CNPY3: variants seen among roughly 807,000 people sequenced by gnomAD.
CNPY3 encodes protein canopy homolog 3.
CNPY3 carries 20 observed loss-of-function variants against 32.0 expected under a neutral mutation model. The ratio of observed to expected loss-of-function variants is 0.63; its 90% CI spans 0.44 to 0.91. The LOEUF is 0.91. CNPY3 is among the 40% of genes least tolerant of loss of function. The pLI, the probability that CNPY3 is intolerant of heterozygous loss-of-function variation, is 0.00. For synonymous variants in CNPY3, 138 were observed against 142.9 expected, an observed-to-expected ratio of 0.97 and a Z score of 0.24; for missense variants, 299 against 340.8, an observed-to-expected ratio of 0.88 and a Z score of 0.97.
upstream of CNPY3, chr6:42,929,269 G>C (rs1767565822): frequency 2.9e-6 from 1 of 348,422 alleles, no homozygotes. Context: ...GGTGGGAAAG[G>C]ACTTTGCCAT....
chr6:42,932,915 T>TG (rs1403819915), intron 1 of CNPY3, among the ~76,000 whole-genome samples: 1 of 152,214 alleles, frequency 6.6e-6, no homozygotes, highest in African/African-American at 2.4e-5. Flanking sequence ...GCCTTCAGAC[T>TG]GGTATTCCAT....
chr6:42,931,517 G>C (rs1448237826), intron 1 of CNPY3, among the ~76,000 whole-genome samples: 1 of 151,416 alleles, frequency 6.6e-6, no homozygotes, highest in Non-Finnish European at 1.5e-5. Flanking sequence ...CTACAGGTGT[G>C]TGCCACCACT....
chr6:42,935,393 T>A, intron 2 of CNPY3, 181 bp from the exon 3 acceptor site: 1 of 985,172 alleles, frequency 1.0e-6, no homozygotes, highest in Non-Finnish European at 1.2e-6. Flanking sequence ...AAATTTTGTC[T>A]CTCTGGTCTG....
chr6:42,935,768 G>A, intron 3 of CNPY3, 98 bp downstream of exon 3: 1 of 1,319,866 alleles, frequency 7.6e-7, no homozygotes, highest in Non-Finnish European at 1.0e-6. Context: ...TGACCACCTG[G>A]GATCTTCCTT....
chr6:42,929,470 A>G (rs776318662), upstream of CNPY3: 84 of 1,251,810 alleles, frequency 6.7e-5, no homozygotes, highest in Non-Finnish European at 3.3e-5. Flanking sequence ...GGTTGCTCGG[A>G]GGCACGTGTG....
In CNPY3 at chr6:42,938,988, C is replaced by G. The variant is rs917901442; in HGVS notation, c.*197C>G. 1 of 1,361,954 alleles carries G rather than the reference C, an allele frequency of 7.3e-7. No homozygotes were observed. Among genetic ancestry groups the G allele is most frequent in the Admixed American group, 3.2e-5 (1 of 31,270 alleles). The allele number at this position is 1,361,954 out of a possible 1,614,324, so 84.4% of individuals were successfully genotyped here. On this transcript the variant is annotated 3_prime_UTR_variant, in exon 6 of 6. Transcript: ENST00000372836. The stretch of plus-strand genomic sequence containing the variant: ...GGTAGCCCACGCCGTCCTTTCCCCT[C>G]CCCAAGTGTTTCTCTCCTGACCCAG...
chr6:42,936,644 T>C (rs1027463093), intron 3 of CNPY3, among the ~76,000 whole-genome samples: 8 of 152,162 alleles, frequency 5.3e-5, no homozygotes, highest in African/African-American at 1.9e-4. Flanking sequence ...GAAGCTATTC[T>C]CCCACCTCAG....
At chr6:42,929,095 C>T (rs1767546934), upstream of CNPY3, 1 of 156,876 alleles carries the variant, frequency 6.4e-6, no homozygotes, top group Non-Finnish European at 1.4e-5. Flanking sequence ...CATTAGGACC[C>T]CAGGAGGGAA....
chr6:42,934,461 C>A lies in CNPY3; in HGVS notation c.152-14C>A. ...CATGTGCACTCAGTGGGCTGTGCTA[C>A]CTCCCTCCCCCAGTGTGTAAATATG... On this transcript the variant is annotated splice_polypyrimidine_tract_variant and intron_variant, in intron 1 of 5. Transcript: ENST00000372836. 6.2e-7 allele frequency: 1 copy of A among 1,613,760 alleles called. No individual in the cohort carries two copies.
intron 2 of CNPY3, among the ~76,000 whole-genome samples, chr6:42,934,891 T>A (rs185581969): frequency 2.6e-3 from 394 of 152,200 alleles, no homozygotes; most frequent in Middle Eastern, 0.024. Flanking sequence ...TGCGACGGAG[T>A]TTCACTCTTG....
Position 42,938,144 on chromosome 6 carries a change from C to G in CNPY3, c.550C>G (p.His184Asp), listed in dbSNP as rs1413936232. Residue 184 changes from histidine (H) to aspartate (D), a missense_variant, in exon 5 of 6, where the codon CAC becomes GAC. Physicochemically the swap from His to Asp is moderately conservative, Grantham distance 81. Around this residue, in one of 2 missense-constraint regions of CNPY3, gnomAD observed 211 missense variants for 278.3 expected, o/e 0.76. Transcript: ENST00000372836. ...GGTGATCGAGGACTGGTACAGGAAC[C>G]ACCAGGAGGAAGACCTGACTGAATT... ...EEVIEDWYRN[H>D]QEEDLTEFLC... 6.2e-7 allele frequency: 1 copy of G among 1,614,054 alleles called. No homozygotes were observed. Among genetic ancestry groups the G allele is most frequent in the African/African-American group, 1.3e-5 (1 of 74,916 alleles).
At chr6:42,932,799 TTGA>T (rs1318908067) in intron 1 of CNPY3, among the ~76,000 whole-genome samples, 1 of 152,162 alleles carries the variant, frequency 6.6e-6, no homozygotes. Flanking sequence ...CTCCAAGCCA[TTGA>T]TTAATTTCAC....
chr6:42,929,872 C>A (rs543754991), intron 1 of CNPY3, 151 bp downstream of exon 1: 1 of 904,274 alleles, frequency 1.1e-6, no homozygotes, highest in Non-Finnish European at 1.6e-6. Context: ...CTGCGGCGGA[C>A]GAGAGATCTG....
chr6:42,938,778 CT>C lies in CNPY3; in HGVS notation c.825del (p.Asp276MetfsTer12), dbSNP rs1768413037. On this transcript the variant is annotated frameshift_variant, in exon 6 of 6. Coordinates refer to ENST00000372836, the MANE Select transcript of CNPY3 (RefSeq NM_006586.5). LOFTEE classifies it high-confidence loss of function. The stretch of plus-strand genomic sequence containing the variant: ...GCATCCCCTCTCACACACAGCCCCC[CT>C]GATGAGCTCTGAGCCCACCCAGCAT... ...QKASPLTHSP[P>X]DEL 1 of 1,608,032 alleles carries C rather than the reference CT, an allele frequency of 6.2e-7. No homozygotes were observed. Among genetic ancestry groups the C allele is most frequent in the African/African-American group, 1.3e-5 (1 of 74,770 alleles).
At chr6:42,933,310 A>T (rs1279096398) in intron 1 of CNPY3, among the ~76,000 whole-genome samples, 1 of 152,148 alleles carries the variant, frequency 6.6e-6, no homozygotes, top group Non-Finnish European at 1.5e-5. Context: ...CTACACCTTT[A>T]TCTGCTGCAT....
chr6:42,938,675 A>G lies in CNPY3; in HGVS notation c.721A>G (p.Ser241Gly), dbSNP rs746693743. Residue 241 changes from serine to glycine, a missense_variant, in exon 6 of 6, where the codon AGC becomes GGC. Physicochemically the swap from Ser to Gly is moderately conservative, Grantham distance 56 (BLOSUM62 0). Coordinates refer to ENST00000372836, the MANE Select transcript of CNPY3 (RefSeq NM_006586.5). ...SRAKAAGGRS[S>G]SSKQRKELGG... ...GGCCAAGGCAGCAGGCGGCAGGAGT[A>G]GCAGCAGCAAACAAAGGAAGGAGCT... 25 of 1,613,632 alleles carry G rather than the reference A, an allele frequency of 1.5e-5. No individual in the cohort carries two copies. Among genetic ancestry groups the G allele is most frequent in the Non-Finnish European group, 2.1e-5 (25 of 1,179,852 alleles).
Position 42,934,524 on chromosome 6 carries a change from C to T in CNPY3, c.201C>T (p.Gly67=), listed in dbSNP as rs1345740293. 6.2e-7 allele frequency: 1 copy of T among 1,614,088 alleles called. No homozygotes were observed. Among genetic ancestry groups the T allele is most frequent in the Non-Finnish European group, 8.5e-7 (1 of 1,179,982 alleles). Residue 67 remains glycine, a synonymous_variant, in exon 2 of 6, where the codon GGC becomes GGT. Coordinates refer to ENST00000372836, the MANE Select transcript of CNPY3 (RefSeq NM_006586.5). ...TGAAGTCAGCCTTTGAGGAAACCGG[C>T]AAGACCAAGGAGGTGATTGGCACGG... ...VELKSAFEET[G]KTKEVIGTGY...
rs1270608363 is a variant in CNPY3 at position 42,929,617 on chromosome 6, C to T, written c.47C>T (p.Pro16Leu). ...GCGTCCCGCTGTCTTCTGCTTCTTC[C>T]CTTGCTGCTGCTGCTGCTGCTGCTG... is the stretch of plus-strand genomic sequence containing the variant. The part of the protein sequence containing the change: ...EPASRCLLLL[P>L]LLLLLLLLLP... The change falls in exon 1 of 6, where the codon CCC (proline) becomes CTC (leucine). Residue 16 changes from proline to leucine, a missense_variant. Physicochemically the swap from Pro to Leu is moderately conservative, Grantham distance 98. Coordinates refer to ENST00000372836, the MANE Select transcript of CNPY3 (RefSeq NM_006586.5). 1.9e-6 allele frequency: 3 copies of T among 1,566,934 alleles called. No homozygotes were observed. The highest frequency in any genetic ancestry group is 4.7e-5 in the East Asian group (2 of 42,576).
At position 42,938,191 on chromosome 6, in the gene CNPY3, G is replaced by A. The variant is rs760368660; in HGVS notation, c.597G>A (p.Leu199=). Residue 199 remains leucine, a synonymous_variant, in exon 5 of 6, where the codon CTG becomes CTA. Coordinates refer to ENST00000372836, the MANE Select transcript of CNPY3 (RefSeq NM_006586.5). ...LTEFLCANHV[L]KGKDTSCLAE... ...AATTCCTCTGCGCCAACCACGTGCT[G>A]AAGGGAAAAGACACCAGTGAGTTTG... 2.5e-6 allele frequency: 4 copies of A among 1,613,804 alleles called. No homozygotes were observed. Among genetic ancestry groups the A allele is most frequent in the African/African-American group, 1.3e-5 (1 of 75,034 alleles).
Sources: allele counts gnomAD v4.1 joint callset (sites outside exome capture counted in the v4.1 genomes callset), GRCh38; gene constraint gnomAD v4.1.1; regional missense constraint gnomAD v4.1.1; transcripts MANE v1.5; gene names NCBI Gene and HGNC (gene_info 2026-07-23, HGNC 2026-07-21).